TNKS: variants seen among roughly 807,000 people sequenced by gnomAD.
TNKS encodes the protein poly [ADP-ribose] polymerase tankyrase-1.
In TNKS, 72 loss-of-function variants were observed where a neutral mutation model predicts 135.8. The observed-to-expected ratio is 0.53, with a 90% CI of 0.44 to 0.64. The LOEUF is 0.64. Ranked by LOEUF, TNKS falls within the 30% of genes least tolerant of loss-of-function variation. The pLI, the probability that TNKS is intolerant of heterozygous loss-of-function variation, is 0.00. For missense variants in TNKS, 1,769 were observed against 1,674.0 expected, an observed-to-expected ratio of 1.06 and a Z score of -0.99; for synonymous variants, 849 against 649.3, an observed-to-expected ratio of 1.31 and a Z score of -4.68.
intron 17 of TNKS, among the ~76,000 whole-genome samples, chr8:9,746,881 C>CTT (rs10672387): frequency 0.014 from 1,659 of 117,182 alleles, 110 homozygotes; most frequent in African/African-American, 0.035. Context: ...CCTACTTAAA[C>CTT]TTTTTTTTTT....
chr8:9,618,516 A>G (rs183378621), intron 3 of TNKS, among the ~76,000 whole-genome samples: 2 of 152,312 alleles, frequency 1.3e-5, no homozygotes, highest in East Asian at 3.9e-4. Flanking sequence ...TTTTCTGCTA[A>G]TGACTGAAGT....
At chr8:9,671,119 C>G (rs758794672) in intron 3 of TNKS, 1 of 152,176 alleles carries the variant, frequency 6.6e-6, no homozygotes, top group East Asian at 1.9e-4. Context: ...TTAACTTTTT[C>G]TCTTTTTTTT....
chr8:9,639,590 C>T (rs1800647887), intron 3 of TNKS, among the ~76,000 whole-genome samples: 1 of 150,922 alleles, frequency 6.6e-6, no homozygotes, highest in African/African-American at 2.4e-5. Flanking sequence ...ATGTAAGAGA[C>T]TGTAAAATAT....
intron 5 of TNKS, among the ~76,000 whole-genome samples, chr8:9,682,621 C>G (rs2128798158): frequency 6.6e-6 from 1 of 152,104 alleles, no homozygotes; most frequent in African/African-American, 2.4e-5. Flanking sequence ...TCTACTAGCT[C>G]TTCTTGTATT....
intron 3 of TNKS, among the ~76,000 whole-genome samples, chr8:9,644,747 C>T (rs930733717): frequency 5.9e-5 from 9 of 152,128 alleles, no homozygotes; most frequent in Non-Finnish European, 1.3e-4. Flanking sequence ...AGACAGTCCT[C>T]GACTTATGTT....
intron 5 of TNKS, among the ~76,000 whole-genome samples, chr8:9,701,216 C>A (rs1431415895): frequency 6.6e-6 from 1 of 152,158 alleles, no homozygotes; most frequent in East Asian, 1.9e-4. Context: ...GGATTACAGG[C>A]GTGAGCCACC....
chr8:9,775,620 T>A (rs1308703804), intron 26 of TNKS, among the ~76,000 whole-genome samples: 3 of 151,036 alleles, frequency 2.0e-5, no homozygotes, highest in East Asian at 3.9e-4. Context: ...CAATAATAGA[T>A]CCTTACTATG....
At chr8:9,672,711 C>CACACACACACA (rs1399922732) in intron 3 of TNKS, among the ~76,000 whole-genome samples, 3 of 85,212 alleles carry the variant, frequency 3.5e-5, no homozygotes, top group Non-Finnish European at 6.7e-5. Flanking sequence ...CACACACACA[C>CACACACACACA]AAAAAAAAAA....
At chr8:9,672,262 C>T (rs781191876) in intron 3 of TNKS, among the ~76,000 whole-genome samples, 19 of 151,924 alleles carry the variant, frequency 1.3e-4, no homozygotes, top group South Asian at 4.2e-4. Flanking sequence ...AGGTACCGTC[C>T]GCAGTTTTAG....
chr8:9,776,594 G>C, intron 26 of TNKS, 56 bp from the exon 27 acceptor site: 1 of 1,532,944 alleles, frequency 6.5e-7, no homozygotes, highest in Non-Finnish European at 9.0e-7. Flanking sequence ...ATTCGGCAAG[G>C]CTTTAATATT....
intron 2 of TNKS, among the ~76,000 whole-genome samples, chr8:9,593,287 A>G (rs1402216408): frequency 6.6e-6 from 1 of 152,212 alleles, no homozygotes; most frequent in Non-Finnish European, 1.5e-5. Context: ...CAGATTACCT[A>G]CCAGTTTACC....
chr8:9,766,481 G>GTT, intron 25 of TNKS, 56 bp downstream of exon 25: 8 of 796,312 alleles, frequency 1.0e-5, no homozygotes, highest in South Asian at 3.5e-5. Context: ...GAACCAAATT[G>GTT]TCTTTTTTTT....
chr8:9,741,848 C>T (rs879897359), intron 17 of TNKS: 23 of 301,494 alleles, frequency 7.6e-5, no homozygotes, highest in Non-Finnish European at 1.4e-4. Context: ...GTCTCCTGAC[C>T]GGAAGTCCAC....
At chr8:9,772,277 T>A in intron 26 of TNKS, 1 of 420,960 alleles carries the variant, frequency 2.4e-6, no homozygotes. Context: ...GGAGGAGTAA[T>A]TATATATTGG....
At chr8:9,763,708 G>C (rs1807270291) in intron 22 of TNKS, among the ~76,000 whole-genome samples, 1 of 152,002 alleles carries the variant, frequency 6.6e-6, no homozygotes, top group South Asian at 2.1e-4. Flanking sequence ...CATTTTTCCA[G>C]TCACAGTTCT....
chr8:9,694,694 G>A lies in TNKS; in HGVS notation c.1108-9969G>A, dbSNP rs1397393001. Among the ~76,000 whole-genome samples the A allele has an allele frequency of 5.3e-5, 8 of 151,498 alleles. No homozygotes were observed. In the East Asian group the frequency reaches 5.8e-4, roughly 11 times the overall value. On this transcript the variant is annotated intron_variant, in intron 5 of 26. Coordinates refer to ENST00000310430, the MANE Select transcript of TNKS (RefSeq NM_003747.3). Reference sequence around the variant, plus strand: ...GGAGAATTGCTTGAACTTAGGAGGCGGAGGCTGCAGTGAGCCGAGATCACC... The same window carrying A: ...GGAGAATTGCTTGAACTTAGGAGGCAGAGGCTGCAGTGAGCCGAGATCACC...
chr8:9,713,055 C>G (rs1290463521), intron 11 of TNKS, among the ~76,000 whole-genome samples: 1 of 151,882 alleles, frequency 6.6e-6, no homozygotes, highest in African/African-American at 2.4e-5. Context: ...ACTTTTCTAC[C>G]TGGAGGGTGT....
intron 12 of TNKS, among the ~76,000 whole-genome samples, chr8:9,725,581 A>G (rs895625705): frequency 2.6e-5 from 4 of 152,210 alleles, no homozygotes; most frequent in Middle Eastern, 3.2e-3. Context: ...TGATCATAAG[A>G]TAATACAATC....
intron 1 of TNKS, among the ~76,000 whole-genome samples, chr8:9,568,166 T>C (rs1325490119): frequency 6.6e-6 from 1 of 152,226 alleles, no homozygotes; most frequent in African/African-American, 2.4e-5. Flanking sequence ...ATGAAGTGTT[T>C]ATGGAAATTC....
Sources: gnomAD v4.1 joint callset for allele counts (sites outside exome capture counted in the v4.1 genomes callset) on GRCh38, gnomAD v4.1.1 for gene constraint, MANE v1.5 for transcripts, NCBI Gene and HGNC (gene_info 2026-07-23, HGNC 2026-07-21) for gene names.